ZEB1: variants seen among roughly 807,000 people sequenced by gnomAD.
ZEB1 encodes zinc finger E-box binding homeobox 1.
A neutral mutation model predicts 84.9 loss-of-function variants in ZEB1; 21 were observed. That is an observed-to-expected ratio of 0.25 (90% confidence interval 0.18 to 0.36). The LOEUF (loss-of-function observed/expected upper bound fraction) is 0.36, where lower values mean the gene tolerates loss of function less well. Ranked by LOEUF, ZEB1 falls within the 10% of genes least tolerant of loss-of-function variation. The pLI is 1.00. For synonymous variants in ZEB1, 420 were observed against 471.1 expected, an observed-to-expected ratio of 0.89 and a Z score of 1.41; for missense variants, 1,104 against 1,330.2, an observed-to-expected ratio of 0.83 and a Z score of 2.65.
intron 1 of ZEB1, among the ~76,000 whole-genome samples, chr10:31,364,119 C>T (rs1320394076): frequency 6.6e-6 from 1 of 152,232 alleles, no homozygotes; most frequent in African/African-American, 2.4e-5. Context: ...TCACCCACTT[C>T]TCTGTGGCTG....
At chr10:31,327,433 G>A (rs192172346) in intron 1 of ZEB1, among the ~76,000 whole-genome samples, 95 of 152,194 alleles carry the variant, frequency 6.2e-4, no homozygotes, top group Admixed American at 2.6e-3. Flanking sequence ...TCTTTACTTA[G>A]CATTGTTTGA....
chr10:31,525,546 G>A (rs2073269425), intron 8 of ZEB1, among the ~76,000 whole-genome samples: 1 of 152,176 alleles, frequency 6.6e-6, no homozygotes, highest in African/African-American at 2.4e-5. Context: ...ATGGGTTGCT[G>A]TAGAAGGGGC....
In ZEB1 at chr10:31,397,159, TTTATTATTA is replaced by T. The variant is rs200770494; in HGVS notation, c.59-63843_59-63835del. Among the ~76,000 whole-genome samples, 424 of 128,344 alleles carry T rather than the reference TTTATTATTA, an allele frequency of 3.3e-3. 1 individual carries two copies. The highest frequency in any genetic ancestry group is 8.1e-3 in the African/African-American group (273 of 33,584). 84.2% of individuals were successfully genotyped at this position (128,344 alleles called of 152,430 possible). On this transcript the variant is annotated intron_variant, in intron 1 of 8. Coordinates refer to ENST00000424869, the MANE Select transcript of ZEB1 (RefSeq NM_001174096.2). ...TCCCGAGAAGCTTCATCTTGGGTTT[TTTATTATTA>T]TTATTATTATTATTATTATTATTAT... is the stretch of plus-strand genomic sequence containing the variant.
At chr10:31,425,096 A>G (rs1235441774) in intron 1 of ZEB1, among the ~76,000 whole-genome samples, 1 of 152,042 alleles carries the variant, frequency 6.6e-6, no homozygotes, top group Non-Finnish European at 1.5e-5. Context: ...GAATGTTAGA[A>G]CTCCTGAAGA....
intron 1 of ZEB1, among the ~76,000 whole-genome samples, chr10:31,407,614 A>G (rs1486821740): frequency 6.6e-6 from 1 of 152,186 alleles, no homozygotes; most frequent in African/African-American, 2.4e-5. Context: ...TATACACAGT[A>G]ATGGGATGGC....
intron 1 of ZEB1, among the ~76,000 whole-genome samples, chr10:31,325,478 C>G (rs1332843184): frequency 6.6e-6 from 1 of 152,034 alleles, no homozygotes; most frequent in Non-Finnish European, 1.5e-5. Flanking sequence ...TCCTCCTAAT[C>G]AACATTATGT....
intron 1 of ZEB1, among the ~76,000 whole-genome samples, chr10:31,347,269 A>G (rs1290399511): frequency 6.6e-6 from 1 of 152,258 alleles, no homozygotes; most frequent in Non-Finnish European, 1.5e-5. Flanking sequence ...GTTTAAAATA[A>G]GATTCCAGTC....
chr10:31,329,306 C>T (rs2036261244), intron 1 of ZEB1, among the ~76,000 whole-genome samples: 1 of 152,112 alleles, frequency 6.6e-6, no homozygotes, highest in African/African-American at 2.4e-5. Flanking sequence ...TGTGCACCTT[C>T]TTTTGCACAG....
chr10:31,375,244 T>C lies in ZEB1; in HGVS notation c.58+55952T>C, dbSNP rs368544863. Among the ~76,000 whole-genome samples, 38 of 151,930 alleles carry C rather than the reference T, an allele frequency of 2.5e-4. 1 individual carries two copies. The highest frequency in any genetic ancestry group is 8.2e-4 in the African/African-American group (34 of 41,512). On this transcript the variant is annotated intron_variant, in intron 1 of 8. Transcript: ENST00000424869. ...CCAACCTGAGTTCAAGTATTCTGAT[T>C]TGAAGATCTCAACTTAGAGATCCAG... is the stretch of plus-strand genomic sequence containing the variant.
intron 1 of ZEB1, chr10:31,355,072 T>C (rs1000070150): frequency 5.3e-5 from 8 of 152,186 alleles, no homozygotes; most frequent in African/African-American, 9.7e-5. Flanking sequence ...TCCTATTGAT[T>C]TGAAAAATGT....
At chr10:31,395,346 C>G (rs900667708) in intron 1 of ZEB1, among the ~76,000 whole-genome samples, 1 of 152,012 alleles carries the variant, frequency 6.6e-6, no homozygotes, top group Non-Finnish European at 1.5e-5. Flanking sequence ...TATACTTCAT[C>G]TAAACTAGTG....
intron 1 of ZEB1, among the ~76,000 whole-genome samples, chr10:31,439,716 C>A (rs1338549857): frequency 1.3e-5 from 2 of 151,970 alleles, no homozygotes; most frequent in Admixed American, 1.3e-4. Flanking sequence ...GGAGACCTCC[C>A]TGAGGAGGTG....
At chr10:31,407,989 A>C (rs2053469890) in intron 1 of ZEB1, among the ~76,000 whole-genome samples, 1 of 148,596 alleles carries the variant, frequency 6.7e-6, no homozygotes, top group Non-Finnish European at 1.5e-5. Context: ...GTATATCTAG[A>C]AAACCCCATT....
chr10:31,397,608 C>T (rs1165069152), intron 1 of ZEB1, among the ~76,000 whole-genome samples: 10 of 152,140 alleles, frequency 6.6e-5, no homozygotes, highest in Admixed American at 6.6e-4. Context: ...CTGTTTAAAG[C>T]AGGAGTCAAC....
Position 31,395,195 on chromosome 10 carries a change from A to G in ZEB1, c.59-65842A>G, listed in dbSNP as rs145061298. On this transcript the variant is annotated intron_variant, in intron 1 of 8. Transcript: ENST00000424869. ...TTCATTAACAACAGTGTGCTAACAAATAGTTCTACATATGGAAAACTGCAA... is the reference window on the plus strand; with the variant it reads ...TTCATTAACAACAGTGTGCTAACAAGTAGTTCTACATATGGAAAACTGCAA... 1.2e-4 allele frequency among the ~76,000 whole-genome samples: 19 copies of G among 152,344 alleles called. No homozygotes were observed. The East Asian group carries it at 3.5e-3, about 28-fold the overall frequency.
intron 2 of ZEB1, among the ~76,000 whole-genome samples, chr10:31,491,167 T>G (rs149750879): frequency 0.013 from 1,905 of 151,846 alleles, 19 homozygotes; most frequent in Non-Finnish European, 0.021. Context: ...AGACTCTGCT[T>G]TTCAGTCCTC....
At chr10:31,504,420 A>C (rs549169527) in intron 4 of ZEB1, among the ~76,000 whole-genome samples, 2 of 151,770 alleles carry the variant, frequency 1.3e-5, no homozygotes, top group African/African-American at 2.4e-5. Flanking sequence ...TTTGCTCAGG[A>C]TTGCTTTGGC....
At chr10:31,389,922 G>T (rs539692696) in intron 1 of ZEB1, among the ~76,000 whole-genome samples, 1 of 151,922 alleles carries the variant, frequency 6.6e-6, no homozygotes, top group Non-Finnish European at 1.5e-5. Flanking sequence ...CTCAATAGCC[G>T]CACGTGGCTA....
At chr10:31,347,100 A>T (rs1238862063) in intron 1 of ZEB1, among the ~76,000 whole-genome samples, 1 of 152,102 alleles carries the variant, frequency 6.6e-6, no homozygotes, top group African/African-American at 2.4e-5. Flanking sequence ...GGGAGGTGTT[A>T]GGAAACTCAT....
Sources: allele counts gnomAD v4.1 joint callset (sites outside exome capture counted in the v4.1 genomes callset), GRCh38; gene constraint gnomAD v4.1.1; transcripts MANE v1.5; gene names NCBI Gene and HGNC (gene_info 2026-07-23, HGNC 2026-07-21).